The following MEGF11 variants were observed in gnomAD, a reference collection of about 807,000 sequenced individuals.
MEGF11 encodes the protein multiple EGF like domains 11, also known as multiple epidermal growth factor-like domains protein 11.
A neutral mutation model predicts 146.6 loss-of-function variants in MEGF11; 126 were observed. The observed-to-expected ratio is 0.86, with a 90% CI of 0.74 to 1.00. The LOEUF is 1.00. MEGF11 is among the 50% of genes least tolerant of loss of function. MEGF11 has a pLI of 0.00. For missense variants in MEGF11, 1,509 were observed against 1,521.2 expected, an observed-to-expected ratio of 0.99 and a Z score of 0.13; for synonymous variants, 532 against 583.4, an observed-to-expected ratio of 0.91 and a Z score of 1.27.
chr15:66,132,108 G>A (rs555318392), intron 1 of MEGF11, among the ~76,000 whole-genome samples: 12 of 152,282 alleles, frequency 7.9e-5, no homozygotes, highest in East Asian at 5.8e-4. Context: ...CTTCTGCTCC[G>A]GCCTGGATCG....
intron 5 of MEGF11, among the ~76,000 whole-genome samples, chr15:66,013,090 T>C (rs1778484676): frequency 6.6e-6 from 1 of 152,232 alleles, no homozygotes; most frequent in African/African-American, 2.4e-5. Flanking sequence ...TTGACCAAGA[T>C]AGCTCATGAG....
rs2078831896 is a variant in MEGF11 at position 65,912,141 on chromosome 15, C to G, written c.2770G>C (p.Ala924Pro). Residue 924 changes from alanine to proline, a missense_variant, in exon 21 of 26, where the codon GCA becomes CCA. By Grantham distance (27) the Ala-to-Pro change is conservative. Coordinates refer to ENST00000395614, the MANE Select transcript of MEGF11 (RefSeq NM_001385028.1). ...TGGCTGGTGGCAGGCCCCCCACATGCCAGTGCGTGGTAGCTGGAATTGGAA... is the reference window on the plus strand; with the variant it reads ...TGGCTGGTGGCAGGCCCCCCACATGGCAGTGCGTGGTAGCTGGAATTGGAA... ...CFSNSSYHAL[A>P]CGGPATSQAS... 8.1e-7 allele frequency: 1 copy of G among 1,232,048 alleles called. No homozygotes were observed. Among genetic ancestry groups the G allele is most frequent in the Admixed American group, 4.2e-5 (1 of 23,704 alleles). 76.3% of individuals were successfully genotyped at this position (1,232,048 alleles called of 1,614,324 possible).
At chr15:65,946,450 G>T (rs1186528063) in intron 10 of MEGF11, among the ~76,000 whole-genome samples, 1 of 152,196 alleles carries the variant, frequency 6.6e-6, no homozygotes, top group Non-Finnish European at 1.5e-5. Flanking sequence ...CTATCACCCA[G>T]GCTGGAGTAC....
At chr15:66,133,717 C>A (rs78089859) in intron 1 of MEGF11, among the ~76,000 whole-genome samples, 2,695 of 152,290 alleles carry the variant, frequency 0.018, 22 homozygotes, top group South Asian at 0.024. Context: ...GATGAAGCCT[C>A]CTGCCCTGCA....
intron 1 of MEGF11, among the ~76,000 whole-genome samples, chr15:66,145,218 C>G (rs2141017680): frequency 1.3e-5 from 2 of 152,312 alleles, no homozygotes; most frequent in South Asian, 4.1e-4. Flanking sequence ...CTCCCTCTCC[C>G]TCTTCTAATG....
In MEGF11 at chr15:65,957,733, A is replaced by G; in HGVS notation, c.1113-12T>C. On this transcript the variant is annotated splice_polypyrimidine_tract_variant and intron_variant, in intron 9 of 25. Transcript: ENST00000395614. ...TTACTGGGTGGCAGCTGCACAGATGAGAGAAGGGTGAGAAGACAGCTTGTT... is the reference window on the plus strand; with the variant it reads ...TTACTGGGTGGCAGCTGCACAGATGGGAGAAGGGTGAGAAGACAGCTTGTT... 3 of 1,613,174 alleles carry G rather than the reference A, an allele frequency of 1.9e-6. No individual in the cohort carries two copies. The highest frequency in any genetic ancestry group is 2.5e-6 in the Non-Finnish European group (3 of 1,179,660).
intron 5 of MEGF11, among the ~76,000 whole-genome samples, chr15:66,055,454 C>T (rs1035871624): frequency 5.3e-5 from 8 of 152,204 alleles, no homozygotes; most frequent in East Asian, 1.9e-4. Flanking sequence ...GATATTCAGA[C>T]GTGATCCACA....
At chr15:66,088,315 C>T (rs1345214784) in intron 5 of MEGF11, among the ~76,000 whole-genome samples, 1 of 152,196 alleles carries the variant, frequency 6.6e-6, no homozygotes, top group Non-Finnish European at 1.5e-5. Flanking sequence ...CTTCCTAATT[C>T]ATTCTAAAGC....
chr15:66,070,279 A>C (rs781520488), intron 5 of MEGF11, among the ~76,000 whole-genome samples: 45 of 152,178 alleles, frequency 3.0e-4, no homozygotes, highest in Admixed American at 2.0e-3. Context: ...CTGCCCCTTC[A>C]ATCAGAGCTT....
chr15:66,209,328 C>T (rs901752448), intron 1 of MEGF11, among the ~76,000 whole-genome samples: 27 of 151,238 alleles, frequency 1.8e-4, no homozygotes, highest in African/African-American at 6.3e-4. Flanking sequence ...CCAGCCTGGG[C>T]GACGGAGCAA....
intron 1 of MEGF11, among the ~76,000 whole-genome samples, chr15:66,141,287 T>TGAGAGAGAGA (rs1339943663): frequency 2.1e-4 from 21 of 98,900 alleles, no homozygotes; most frequent in East Asian, 7.7e-4. Context: ...TGTGTGTGTG[T>TGAGAGAGAGA]GTGAGAGAGA....
chr15:65,962,868 G>A (rs555961102), intron 9 of MEGF11, among the ~76,000 whole-genome samples: 19 of 152,268 alleles, frequency 1.2e-4, no homozygotes, highest in African/African-American at 4.1e-4. Flanking sequence ...CTGAAGAACT[G>A]CTACTCCCTC....
rs137989968 is a variant in MEGF11, at chr15:66,133,123, G to C, written c.-8-4712C>G. On this transcript the variant is annotated intron_variant, in intron 1 of 25. Transcript: ENST00000395614. ...CACACTGCACAAGGCATTCCATGTTGTGTTAACATTGCATTTGCAGAGACA... is the reference window on the plus strand; with the variant it reads ...CACACTGCACAAGGCATTCCATGTTCTGTTAACATTGCATTTGCAGAGACA... Among the ~76,000 whole-genome samples, 16 of 152,326 alleles carry C rather than the reference G, an allele frequency of 1.1e-4. No individual in the cohort carries two copies. In the East Asian group the frequency reaches 2.9e-3, roughly 28 times the overall value.
intron 5 of MEGF11, among the ~76,000 whole-genome samples, chr15:66,042,561 T>C (rs1030626854): frequency 6.6e-6 from 1 of 152,018 alleles, no homozygotes. Context: ...GCTGTAAAAA[T>C]CCACCACAAA....
chr15:66,031,645 G>T lies in MEGF11; in HGVS notation c.395-49157C>A, dbSNP rs181517143. Among the ~76,000 whole-genome samples the T allele has an allele frequency of 2.3e-3, 343 of 152,316 alleles. 1 individual carries two copies. Among genetic ancestry groups the T allele is most frequent in the South Asian group, 0.014 (69 of 4,824 alleles). ...CTGAGCTTGGGCAGAAAGCTGATCT[G>T]AACTTAAATCCACATTCTGCCACCA... On this transcript the variant is annotated intron_variant, in intron 5 of 25. Coordinates refer to ENST00000395614, the MANE Select transcript of MEGF11 (RefSeq NM_001385028.1).
Position 66,125,713 on chromosome 15 carries a change from A to G in MEGF11, c.99-1713T>C, listed in dbSNP as rs565390151. On this transcript the variant is annotated intron_variant, in intron 2 of 25. Transcript: ENST00000395614. ...AGTGTTTAATAGATGTTGACAGGCA[A>G]TGATTCACTTCCCGTGCTAGGCACT... Among the ~76,000 whole-genome samples the G allele has an allele frequency of 3.3e-5, 5 of 152,326 alleles. No individual in the cohort carries two copies. In the East Asian group the frequency reaches 7.7e-4, roughly 23 times the overall value.
intron 1 of MEGF11, among the ~76,000 whole-genome samples, chr15:66,141,910 G>A (rs1400812011): frequency 6.6e-6 from 1 of 152,168 alleles, no homozygotes; most frequent in Admixed American, 6.5e-5. Flanking sequence ...CTCAAAAGGG[G>A]ATAAGCCCTA....
At chr15:66,196,403 T>C (rs983097267) in intron 1 of MEGF11, among the ~76,000 whole-genome samples, 14 of 151,784 alleles carry the variant, frequency 9.2e-5, no homozygotes, top group African/African-American at 2.9e-4. Flanking sequence ...ACCCAGGAGG[T>C]AGAGGTTGCA....
chr15:66,190,700 A>G (rs2090845313), intron 1 of MEGF11, among the ~76,000 whole-genome samples: 6 of 152,044 alleles, frequency 3.9e-5, no homozygotes, highest in Admixed American at 3.9e-4. Context: ...ATCTCGGGAC[A>G]CACATGCCCT....
Sources: gnomAD v4.1 joint callset for allele counts (sites outside exome capture counted in the v4.1 genomes callset) on GRCh38, gnomAD v4.1.1 for gene constraint, MANE v1.5 for transcripts, NCBI Gene and HGNC (gene_info 2026-07-23, HGNC 2026-07-21) for gene names.